Variants in ADAMTS17 observed in about 807,000 individuals in gnomAD.
The protein encoded by ADAMTS17 is ADAM metallopeptidase with thrombospondin type 1 motif 17.
ADAMTS17 carries 113 observed loss-of-function variants against 141.5 expected under a neutral mutation model. The ratio of observed to expected loss-of-function variants is 0.80; its 90% CI spans 0.69 to 0.93. ADAMTS17 has a LOEUF of 0.93. ADAMTS17 is among the 40% of genes least tolerant of loss of function. The probability of loss-of-function intolerance (pLI) is 0.00; values close to 1 mark genes in which losing one functional copy is unlikely to be tolerated. For missense variants in ADAMTS17, 1,659 were observed against 1,517.9 expected (o/e 1.09, Z -1.54); for synonymous variants, 768 against 630.6 (o/e 1.22, Z -3.27).
intron 8 of ADAMTS17, among the ~76,000 whole-genome samples, chr15:100,166,575 G>C (rs1171715656): frequency 6.6e-6 from 1 of 152,174 alleles, no homozygotes; most frequent in Non-Finnish European, 1.5e-5. Flanking sequence ...ATAATCATTT[G>C]TAAAGCCTTC....
At chr15:100,262,257 A>T in intron 5 of ADAMTS17, 95 bp downstream of exon 5, 1 of 1,136,122 alleles carries the variant, frequency 8.8e-7, no homozygotes, top group East Asian at 2.4e-5. Flanking sequence ...GAGACTGGCA[A>T]CTCCCTGGAG....
intron 18 of ADAMTS17, among the ~76,000 whole-genome samples, chr15:100,040,300 T>G (rs2031130607): frequency 6.6e-6 from 1 of 152,234 alleles, no homozygotes; most frequent in Non-Finnish European, 1.5e-5. Context: ...CAGCCATTTC[T>G]TCTGTGGGCT....
In ADAMTS17 at chr15:100,037,607, C is replaced by T. The variant is rs532030778; in HGVS notation, c.2591+11250G>A. On this transcript the variant is annotated intron_variant, in intron 18 of 21. Transcript: ENST00000268070. ...GTATTTTAGTAGAGATGGGGTTTCA[C>T]CATGTTGCCCAGGTTGGTCTTGAAC... 2.6e-5 allele frequency among the ~76,000 whole-genome samples: 4 copies of T among 152,264 alleles called. No individual in the cohort carries two copies. The South Asian group carries it at 6.2e-4, about 24-fold the overall frequency.
rs534306909 is a variant in ADAMTS17, at chr15:100,216,033, G to A, written c.1076-16610C>T. On this transcript the variant is annotated intron_variant, in intron 7 of 21. Coordinates refer to ENST00000268070, the MANE Select transcript of ADAMTS17 (RefSeq NM_139057.4). ...CTCTTTGTGCCAGCAGAGTCTGAGC[G>A]GGGTGAGAAGGGCAGGCTCTGGACT... 1.6e-3 allele frequency among the ~76,000 whole-genome samples: 248 copies of A among 152,294 alleles called. 7 individuals are homozygous for A. The South Asian group carries it at 0.044, about 27-fold the overall frequency.
At chr15:100,144,287 C>G (rs1353198354) in intron 10 of ADAMTS17, among the ~76,000 whole-genome samples, 1 of 152,050 alleles carries the variant, frequency 6.6e-6, no homozygotes. Flanking sequence ...CGTGGTGGCT[C>G]ACACCTGTAG....
At chr15:99,990,121 G>A (rs1255069323) in intron 20 of ADAMTS17, among the ~76,000 whole-genome samples, 1 of 152,150 alleles carries the variant, frequency 6.6e-6, no homozygotes, top group Non-Finnish European at 1.5e-5. Flanking sequence ...CTGTAGCTTC[G>A]ACTTCCCTGG....
In ADAMTS17 at chr15:100,141,691, C is replaced by G. The variant is rs180689239; in HGVS notation, c.1474-8376G>C. Reference sequence around the variant, plus strand: ...GGGGGCTGCCGGGTGAGGGTGGGGCCCAGGACTTCAGCTGGCAGCAGGGAC... The same window carrying G: ...GGGGGCTGCCGGGTGAGGGTGGGGCGCAGGACTTCAGCTGGCAGCAGGGAC... On this transcript the variant is annotated intron_variant, in intron 10 of 21. Coordinates refer to ENST00000268070, the MANE Select transcript of ADAMTS17 (RefSeq NM_139057.4). Among the ~76,000 whole-genome samples, 58 of 152,250 alleles carry G rather than the reference C, an allele frequency of 3.8e-4. No homozygotes were observed. The East Asian group carries it at 9.4e-3, about 25-fold the overall frequency.
chr15:100,109,166 C>T (rs759027837), intron 13 of ADAMTS17, 50 bp from the exon 14 acceptor site: 2 of 1,564,578 alleles, frequency 1.3e-6, no homozygotes, highest in Non-Finnish European at 1.7e-6. Context: ...TGTGCGTGGG[C>T]CATGCAGGGC....
At chr15:100,278,328 A>T (rs1217583898) in intron 4 of ADAMTS17, among the ~76,000 whole-genome samples, 1 of 76,420 alleles carries the variant, frequency 1.3e-5, no homozygotes, top group Non-Finnish European at 2.8e-5. Flanking sequence ...ATTCTACCAC[A>T]AAAAAAAAAA....
intron 15 of ADAMTS17, among the ~76,000 whole-genome samples, chr15:100,081,305 T>C (rs907007706): frequency 6.6e-6 from 1 of 152,218 alleles, no homozygotes; most frequent in African/African-American, 2.4e-5. Context: ...GGACAGCCTA[T>C]TGTGGGATGT....
intron 7 of ADAMTS17, among the ~76,000 whole-genome samples, chr15:100,240,150 C>A (rs779995345): frequency 1.3e-5 from 2 of 152,198 alleles, no homozygotes; most frequent in Non-Finnish European, 2.9e-5. Context: ...CTGGGCCCCA[C>A]CTCAAGCCTA....
intron 4 of ADAMTS17, among the ~76,000 whole-genome samples, chr15:100,267,262 A>G (rs1225025682): frequency 6.6e-6 from 1 of 151,932 alleles, no homozygotes; most frequent in Non-Finnish European, 1.5e-5. Flanking sequence ...GTCACTTGGC[A>G]TACTGTCCTC....
intron 18 of ADAMTS17, among the ~76,000 whole-genome samples, chr15:100,019,574 G>A (rs140015791): frequency 1.3e-5 from 2 of 152,182 alleles, no homozygotes; most frequent in Non-Finnish European, 2.9e-5. Flanking sequence ...GTGCTACCCG[G>A]TGTATGACCA....
At chr15:100,026,133 A>C (rs1567689647) in intron 18 of ADAMTS17, among the ~76,000 whole-genome samples, 1 of 152,228 alleles carries the variant, frequency 6.6e-6, no homozygotes, top group Non-Finnish European at 1.5e-5. Context: ...CGTGTCCTTC[A>C]ACTTTATATA....
At chr15:100,020,795 G>A (rs75069451) in intron 18 of ADAMTS17, among the ~76,000 whole-genome samples, 2 of 152,208 alleles carry the variant, frequency 1.3e-5, no homozygotes, top group Non-Finnish European at 2.9e-5. Context: ...AGTGGCTGGC[G>A]TTCGGCTGTG....
Position 100,261,522 on chromosome 15 carries a change from T to G in ADAMTS17, c.988A>C (p.Lys330Gln). The G allele has an allele frequency of 6.2e-7, 1 of 1,614,122 alleles. No homozygotes were observed. The highest frequency in any genetic ancestry group is 1.1e-5 in the South Asian group (1 of 91,072). The stretch of plus-strand genomic sequence containing the variant: ...GCATCCACCAGGGGCGGGTCGTCCT[T>G]CCCGCCGGGAACCTGGTTATTGCCG... ...YLGNNQVPGG[K>Q]DDPPLVDAAV... The change falls in exon 6 of 22, where the codon AAG becomes CAG. Residue 330 changes from lysine to glutamine, a missense_variant. By Grantham distance (53) the Lys-to-Gln change is moderately conservative. Transcript: ENST00000268070.
At chr15:100,231,813 G>T (rs533034109) in intron 7 of ADAMTS17, among the ~76,000 whole-genome samples, 12 of 152,010 alleles carry the variant, frequency 7.9e-5, no homozygotes, top group African/African-American at 2.9e-4. Context: ...CCTCAGATTC[G>T]CCCCTGATTG....
chr15:100,028,653 C>T (rs1596261618), intron 18 of ADAMTS17, among the ~76,000 whole-genome samples: 1 of 152,238 alleles, frequency 6.6e-6, no homozygotes, highest in African/African-American at 2.4e-5. Flanking sequence ...AGTCCCCTGT[C>T]GTACAGACAG....
chr15:100,096,197 G>A (rs1474710030), intron 15 of ADAMTS17, among the ~76,000 whole-genome samples, 159 bp downstream of exon 15: 3 of 152,194 alleles, frequency 2.0e-5, no homozygotes, highest in African/African-American at 4.8e-5. Flanking sequence ...TTGCTAAAAT[G>A]TCCTTTCTTG....
Sources: allele counts gnomAD v4.1 joint callset (sites outside exome capture counted in the v4.1 genomes callset), GRCh38; gene constraint gnomAD v4.1.1; transcripts MANE v1.5; gene names NCBI Gene and HGNC (gene_info 2026-07-23, HGNC 2026-07-21).